GABRB2: variants seen among roughly 807,000 people sequenced by gnomAD.
GABRB2 encodes gamma-aminobutyric acid type A receptor subunit beta2.
A neutral mutation model predicts 54.7 loss-of-function variants in GABRB2; 16 were observed. The observed-to-expected ratio is 0.29, with a 90% confidence interval of 0.20 to 0.44. The LOEUF (loss-of-function observed/expected upper bound fraction) is 0.44. GABRB2 is among the 20% of genes least tolerant of loss of function. The pLI is 1.00. For synonymous variants in GABRB2, 244 were observed against 233.8 expected (o/e 1.04, Z -0.40); for missense variants, 355 against 644.0 (o/e 0.55, Z 4.86).
rs540306377 is a variant in GABRB2 at position 161,290,961 on chromosome 5, A to G, written c.*3120T>C. ...TTTTATTATTATTATTTTACTTAGC[A>G]CTGCTTTTGAAGAAATGAGAAGAGA... On this transcript the variant is annotated 3_prime_UTR_variant, in exon 10 of 10. Transcript: ENST00000393959. 3 of 152,660 alleles carry G rather than the reference A, an allele frequency of 2.0e-5. No individual in the cohort carries two copies. The highest frequency in any genetic ancestry group is 2.0e-4 in the Admixed American group (3 of 15,274). 9.5% of individuals were successfully genotyped at this position (152,660 alleles called of 1,614,324 possible). A position where few individuals can be genotyped will look rare whatever the true frequency, so the allele number is the denominator to read the frequency against.
At position 161,332,531 on chromosome 5, in the gene GABRB2, G is replaced by A. The variant is rs543191828; in HGVS notation, c.833-1404C>T. The stretch of plus-strand genomic sequence containing the variant: ...AGTAGTTTCCCTCTAAGCTGTAATC[G>A]GAAGGTAAATGCACTGAAAGTCCAA... On this transcript the variant is annotated intron_variant, in intron 7 of 9. Transcript: ENST00000393959. Among the ~76,000 whole-genome samples the A allele has an allele frequency of 3.2e-4, 49 of 152,086 alleles. 1 individual carries two copies. The highest frequency in any genetic ancestry group is 1.0e-4 in the Non-Finnish European group (7 of 68,018).
intron 3 of GABRB2, among the ~76,000 whole-genome samples, chr5:161,472,018 G>A (rs1020773691): frequency 2.6e-5 from 4 of 151,736 alleles, no homozygotes; most frequent in Non-Finnish European, 4.4e-5. Context: ...CCTTTGGCAT[G>A]CTACTTAACC....
At chr5:161,296,384 C>T (rs978179804) in intron 9 of GABRB2, among the ~76,000 whole-genome samples, 1 of 152,070 alleles carries the variant, frequency 6.6e-6, no homozygotes, top group African/African-American at 2.4e-5. Context: ...TCTTTAACCA[C>T]CAGGATATTT....
At chr5:161,463,614 C>T (rs1179152543) in intron 3 of GABRB2, among the ~76,000 whole-genome samples, 1 of 65,262 alleles carries the variant, frequency 1.5e-5, no homozygotes, top group Admixed American at 2.0e-4. Context: ...AGAGAATAGC[C>T]AAAACAGTTT....
intron 5 of GABRB2, among the ~76,000 whole-genome samples, chr5:161,359,543 C>T (rs569567912): frequency 3.3e-5 from 5 of 152,050 alleles, no homozygotes; most frequent in East Asian, 1.9e-4. Context: ...AGAATAGGTA[C>T]GCTTTTACCA....
intron 9 of GABRB2, among the ~76,000 whole-genome samples, chr5:161,317,042 G>A (rs1166016402): frequency 1.3e-5 from 2 of 152,060 alleles, no homozygotes; most frequent in African/African-American, 2.4e-5. Flanking sequence ...TTTGTGTGTA[G>A]TTTGCATGTG....
intron 4 of GABRB2, among the ~76,000 whole-genome samples, chr5:161,422,513 T>G (rs746383500): frequency 1.4e-4 from 22 of 152,274 alleles, no homozygotes; most frequent in Non-Finnish European, 2.6e-4. Context: ...TATAGTATGA[T>G]TTCACATTTA....
intron 4 of GABRB2, among the ~76,000 whole-genome samples, chr5:161,425,001 G>T (rs1029011876): frequency 1.3e-5 from 2 of 152,270 alleles, no homozygotes; most frequent in Non-Finnish European, 2.9e-5. Flanking sequence ...GAAATAGTAA[G>T]AGAGCTAGTA....
Position 161,442,320 on chromosome 5 carries a change from C to G in GABRB2, c.458+17304G>C, listed in dbSNP as rs140640723. Among the ~76,000 whole-genome samples, 171 of 151,994 alleles carry G rather than the reference C, an allele frequency of 1.1e-3. 1 individual carries two copies. The highest frequency in any genetic ancestry group is 4.0e-3 in the African/African-American group (164 of 41,464). ...TGAATGAATGAAAAAAATAAAGAAACATGTAAGTAAGTAAAGTATCATGAG... is the reference window on the plus strand; with the variant it reads ...TGAATGAATGAAAAAAATAAAGAAAGATGTAAGTAAGTAAAGTATCATGAG... On this transcript the variant is annotated intron_variant, in intron 4 of 9. Coordinates refer to ENST00000393959, the MANE Select transcript of GABRB2 (RefSeq NM_001371727.1).
intron 9 of GABRB2, among the ~76,000 whole-genome samples, chr5:161,315,390 G>A (rs1473296143): frequency 1.3e-5 from 2 of 152,120 alleles, no homozygotes; most frequent in Non-Finnish European, 2.9e-5. Context: ...ATGGCAGGAA[G>A]ATTCAAGGGC....
intron 5 of GABRB2, among the ~76,000 whole-genome samples, chr5:161,397,654 A>T (rs558845448): frequency 2.8e-4 from 43 of 152,326 alleles, no homozygotes; most frequent in Middle Eastern, 3.4e-3. Flanking sequence ...GACAATGTAT[A>T]AACACTTCTC....
chr5:161,541,855 C>T (rs1018457033), intron 3 of GABRB2, among the ~76,000 whole-genome samples: 25 of 152,222 alleles, frequency 1.6e-4, no homozygotes, highest in African/African-American at 6.0e-4. Context: ...CCTTCATTGA[C>T]TCCTCCTTTG....
intron 4 of GABRB2, among the ~76,000 whole-genome samples, chr5:161,420,917 G>A (rs570096267): frequency 6.6e-6 from 1 of 152,016 alleles, no homozygotes; most frequent in Admixed American, 6.6e-5. Flanking sequence ...GGATTTTGGG[G>A]TTAAGGGAAT....
At chr5:161,516,793 C>A (rs1397343560) in intron 3 of GABRB2, among the ~76,000 whole-genome samples, 4 of 152,092 alleles carry the variant, frequency 2.6e-5, no homozygotes, top group East Asian at 3.9e-4. Context: ...TCAAACAATC[C>A]AACAACAAGG....
Position 161,484,741 on chromosome 5 carries a change from C to T in GABRB2, c.238-24897G>A, listed in dbSNP as rs570050937. On this transcript the variant is annotated intron_variant, in intron 3 of 9. Transcript: ENST00000393959. ...CTCACAGCCTCCACTGTATTTAGGCCCCCATCATGTCTCACCTGGATTATT... is the reference window on the plus strand; with the variant it reads ...CTCACAGCCTCCACTGTATTTAGGCTCCCATCATGTCTCACCTGGATTATT... Among the ~76,000 whole-genome samples, 38 of 151,980 alleles carry T rather than the reference C, an allele frequency of 2.5e-4. No homozygotes were observed. The South Asian group carries it at 7.7e-3, about 31-fold the overall frequency.
At chr5:161,336,541 C>A in intron 6 of GABRB2, 91 bp downstream of exon 6, 8 of 1,408,518 alleles carry the variant, frequency 5.7e-6, no homozygotes, top group Non-Finnish European at 7.7e-6. Flanking sequence ...AGTCATGGTG[C>A]TTCCCTGGGA....
intron 3 of GABRB2, among the ~76,000 whole-genome samples, chr5:161,507,262 TA>T (rs991712931): frequency 2.0e-5 from 3 of 151,982 alleles, no homozygotes; most frequent in Non-Finnish European, 4.4e-5. Context: ...AAAATGTTAA[TA>T]TAAAAATTGG....
At chr5:161,369,951 T>C (rs1755084661) in intron 5 of GABRB2, among the ~76,000 whole-genome samples, 1 of 152,090 alleles carries the variant, frequency 6.6e-6, no homozygotes, top group Non-Finnish European at 1.5e-5. Flanking sequence ...AAATTGTCTC[T>C]GCTTGCCAGG....
intron 5 of GABRB2, among the ~76,000 whole-genome samples, chr5:161,391,729 G>A (rs761259023): frequency 2.0e-5 from 3 of 152,080 alleles, no homozygotes; most frequent in African/African-American, 7.2e-5. Flanking sequence ...CAATTAAAAC[G>A]ATAATAGGTA....
Sources: gnomAD v4.1 joint callset for allele counts (sites outside exome capture counted in the v4.1 genomes callset) on GRCh38, gnomAD v4.1.1 for gene constraint, MANE v1.5 for transcripts, NCBI Gene and HGNC (gene_info 2026-07-23, HGNC 2026-07-21) for gene names.